The following PTH2R variants were observed in gnomAD, a reference collection of about 807,000 sequenced individuals.
The protein encoded by PTH2R is parathyroid hormone 2 receptor.
A neutral mutation model predicts 60.3 loss-of-function variants in PTH2R; 59 were observed. The ratio of observed to expected loss-of-function variants is 0.98; its 90% CI spans 0.79 to 1.22. The LOEUF is 1.22. PTH2R is among the 50% of genes most tolerant of loss of function. The pLI is 0.00. For missense variants in PTH2R, 749 were observed against 682.6 expected (o/e 1.10, Z -1.08); for synonymous variants, 256 against 243.8 (o/e 1.05, Z -0.47).
rs546574601 is a variant in PTH2R, at chr2:208,432,370, G to A, written c.178+4067G>A. On this transcript the variant is annotated intron_variant, in intron 2 of 12. Transcript: ENST00000272847. ...GGTGTATAATTTTAACAACAGAGGT[G>A]TTTTAACAACTATAGAACCACTGAA... is the stretch of plus-strand genomic sequence containing the variant. Among the ~76,000 whole-genome samples, 32 of 152,274 alleles carry A rather than the reference G, an allele frequency of 2.1e-4. 1 individual carries two copies. Among genetic ancestry groups the A allele is most frequent in the African/African-American group, 7.7e-4 (32 of 41,566 alleles).
In PTH2R at chr2:208,458,417, A is replaced by AT. The variant is rs554054643; in HGVS notation, c.915-1477dup. ...GGATAAGGTCGTGGATCTTATACAAATAGAAAATGGACAGCTGTCAAAGAT... is the reference window on the plus strand; with the variant it reads ...GGATAAGGTCGTGGATCTTATACAAATTAGAAAATGGACAGCTGTCAAAGAT... On this transcript the variant is annotated intron_variant, in intron 8 of 12. Coordinates refer to ENST00000272847, the MANE Select transcript of PTH2R (RefSeq NM_005048.4). 7.9e-5 allele frequency among the ~76,000 whole-genome samples: 12 copies of AT among 152,310 alleles called. No individual in the cohort carries two copies. In the East Asian group the frequency reaches 1.9e-3, roughly 24 times the overall value.
intron 7 of PTH2R, among the ~76,000 whole-genome samples, chr2:208,448,644 A>AG (rs1702338901): frequency 6.7e-6 from 1 of 149,960 alleles, no homozygotes. Context: ...AAAAAAAAAA[A>AG]GAAAATAACT....
Position 208,481,114 on chromosome 2 carries a change from C to A in PTH2R, c.1026C>A (p.Thr342=), listed in dbSNP as rs1193907038. Residue 342 remains threonine (T), a synonymous_variant, in exon 10 of 13, where the codon ACC becomes ACA. Transcript: ENST00000272847. ...LFLNTVRVLA[T]KIWETNAVGH... is the part of the protein sequence containing the mutation. ...TGAATACGGTTAGAGTTCTAGCTAC[C>A]AAAATCTGGGAGACCAATGCAGTTG... 1.2e-6 allele frequency: 2 copies of A among 1,611,836 alleles called. No individual in the cohort carries two copies. The highest frequency in any genetic ancestry group is 1.7e-6 in the Non-Finnish European group (2 of 1,178,572).
At chr2:208,472,469 A>G (rs1702904934) in intron 9 of PTH2R, among the ~76,000 whole-genome samples, 1 of 152,154 alleles carries the variant, frequency 6.6e-6, no homozygotes, top group African/African-American at 2.4e-5. Context: ...TAACTGAATC[A>G]TGGGGTCACT....
At chr2:208,435,768 C>T (rs547651801) in intron 2 of PTH2R, among the ~76,000 whole-genome samples, 18 of 152,258 alleles carry the variant, frequency 1.2e-4, no homozygotes, top group South Asian at 4.1e-4. Flanking sequence ...TTTGGCCTCA[C>T]GGGTCTACAA....
intron 1 of PTH2R, among the ~76,000 whole-genome samples, chr2:208,387,735 G>A (rs1701028055): frequency 6.6e-6 from 1 of 152,180 alleles, no homozygotes; most frequent in Admixed American, 6.5e-5. Flanking sequence ...TCACAATGTT[G>A]TAATCTTTAG....
intron 1 of PTH2R, among the ~76,000 whole-genome samples, chr2:208,390,643 T>C (rs570686424): frequency 6.6e-6 from 1 of 152,350 alleles, no homozygotes; most frequent in East Asian, 1.9e-4. Flanking sequence ...GCTATCAGGA[T>C]AATAATTAAG....
chr2:208,371,681 A>G (rs184210805), intron 1 of PTH2R, among the ~76,000 whole-genome samples: 4 of 152,186 alleles, frequency 2.6e-5, no homozygotes, highest in African/African-American at 9.6e-5. Context: ...GGGTTGCAGT[A>G]CCTTTCAGGA....
At chr2:208,448,707 A>ATATAT (rs1702340275) in intron 7 of PTH2R, among the ~76,000 whole-genome samples, 1 of 150,682 alleles carries the variant, frequency 6.6e-6, no homozygotes, top group East Asian at 1.9e-4. Context: ...TATTAAATTT[A>ATATAT]CTTAATTTAA....
chr2:208,370,993 G>T (rs1316953547), intron 1 of PTH2R, among the ~76,000 whole-genome samples: 2 of 151,892 alleles, frequency 1.3e-5, no homozygotes, highest in African/African-American at 4.9e-5. Context: ...GAGAGGGTCG[G>T]GGGGTGCCAG....
chr2:208,442,740 G>A (rs1434077575), intron 5 of PTH2R, among the ~76,000 whole-genome samples: 1 of 152,144 alleles, frequency 6.6e-6, no homozygotes, highest in Non-Finnish European at 1.5e-5. Flanking sequence ...AATTGAATGA[G>A]TTCCCGAGAG....
chr2:208,398,580 T>C (rs1393441545), intron 1 of PTH2R, among the ~76,000 whole-genome samples: 3 of 152,246 alleles, frequency 2.0e-5, no homozygotes, highest in Non-Finnish European at 4.4e-5. Context: ...TTTAGGGGCA[T>C]TGTATTCTAC....
At chr2:208,453,728 GC>G (rs1439995898) in intron 8 of PTH2R, among the ~76,000 whole-genome samples, 6 of 152,132 alleles carry the variant, frequency 3.9e-5, no homozygotes, top group African/African-American at 1.4e-4. Context: ...ATGACTTGCA[GC>G]AGTCATTCTC....
At chr2:208,380,401 C>T (rs768156507) in intron 1 of PTH2R, among the ~76,000 whole-genome samples, 14 of 152,116 alleles carry the variant, frequency 9.2e-5, no homozygotes, top group Middle Eastern at 3.4e-3. Context: ...TATAAAAACC[C>T]TGTAAGTCAT....
Position 208,377,365 on chromosome 2 carries a change from C to G in PTH2R, c.-259+17128C>G, listed in dbSNP as rs934349748. Among the ~76,000 whole-genome samples, 42 of 152,248 alleles carry G rather than the reference C, an allele frequency of 2.8e-4. 1 individual carries two copies. Among genetic ancestry groups the G allele is most frequent in the African/African-American group, 9.6e-4 (40 of 41,478 alleles). ...CAAAAACCGCCATCGTCATCATGGC[C>G]CGTTCTCAATGAGCTGTTGGGTACA... On this transcript the variant is annotated intron_variant, in intron 1 of 12. Transcript: ENST00000617735.
intron 1 of PTH2R, among the ~76,000 whole-genome samples, chr2:208,397,822 G>A (rs1212797450): frequency 2.6e-5 from 4 of 152,214 alleles, no homozygotes; most frequent in African/African-American, 7.2e-5. Context: ...CCAGGCACAT[G>A]TGGGCACAAG....
At chr2:208,388,085 G>A (rs148448398) in intron 1 of PTH2R, among the ~76,000 whole-genome samples, 6,235 of 150,784 alleles carry the variant, frequency 0.041, 402 homozygotes, top group African/African-American at 0.14. Flanking sequence ...CGAGGTGGGC[G>A]GATCACGAGG....
At chr2:208,454,879 G>C (rs956631659) in intron 8 of PTH2R, among the ~76,000 whole-genome samples, 1 of 151,878 alleles carries the variant, frequency 6.6e-6, no homozygotes, top group African/African-American at 2.4e-5. Context: ...TATTTTGTCT[G>C]CTATGCACTG....
At chr2:208,440,322 C>T (rs980940095) in intron 4 of PTH2R, among the ~76,000 whole-genome samples, 2 of 152,102 alleles carry the variant, frequency 1.3e-5, no homozygotes, top group Admixed American at 6.5e-5. Context: ...GTGTTTCTTT[C>T]TGATTGGTTA....
Sources: gnomAD v4.1 joint callset for allele counts (sites outside exome capture counted in the v4.1 genomes callset) on GRCh38, gnomAD v4.1.1 for gene constraint, MANE v1.5 for transcripts, NCBI Gene and HGNC (gene_info 2026-07-23, HGNC 2026-07-21) for gene names.